INPP5A: variants seen among roughly 807,000 people sequenced by gnomAD.
INPP5A encodes inositol polyphosphate-5-phosphatase A.
Under a neutral mutation model 65.2 loss-of-function variants are expected in INPP5A, and 14 were observed. The observed-to-expected ratio is 0.21, with a 90% CI of 0.14 to 0.34. The LOEUF is 0.34. Ranked by LOEUF, INPP5A falls within the 10% of genes least tolerant of loss-of-function variation. INPP5A has a pLI of 1.00. For missense variants in INPP5A, 431 were observed against 545.6 expected (o/e 0.79, Z 2.09); for synonymous variants, 207 against 208.3 (o/e 0.99, Z 0.05).
intron 11 of INPP5A, among the ~76,000 whole-genome samples, chr10:132,755,753 G>A (rs911432488): frequency 2.0e-5 from 3 of 152,138 alleles, no homozygotes; most frequent in Admixed American, 6.5e-5. Flanking sequence ...GCTGAGGCCT[G>A]AGGGAGGTCC....
intron 4 of INPP5A, among the ~76,000 whole-genome samples, chr10:132,684,078 T>G (rs2073086264): frequency 1.3e-5 from 2 of 152,360 alleles, no homozygotes; most frequent in African/African-American, 2.4e-5. Context: ...AAATATGTCT[T>G]TATCTTGGTA....
rs1057141960 is a variant in INPP5A, at chr10:132,545,161, G to A, written c.75+6990G>A. 3.3e-5 allele frequency among the ~76,000 whole-genome samples: 5 copies of A among 152,268 alleles called. No individual in the cohort carries two copies. The highest frequency in any genetic ancestry group is 1.3e-4 in the Admixed American group (2 of 15,292). Reference sequence around the variant, plus strand: ...TGGAGCAGGGCAGAGGGCCCCGCACGGCTCTGGGATGGCTGTGCTCGGTGG... The same window carrying A: ...TGGAGCAGGGCAGAGGGCCCCGCACAGCTCTGGGATGGCTGTGCTCGGTGG... On this transcript the variant is annotated intron_variant, in intron 1 of 15. Transcript: ENST00000368594. This position sits in a 1 kb window ranked among gnomAD's most constrained non-coding sequence, Gnocchi z 4.6.
chr10:132,722,162 G>T (rs1431638118), intron 8 of INPP5A, among the ~76,000 whole-genome samples: 3 of 152,146 alleles, frequency 2.0e-5, no homozygotes, highest in African/African-American at 7.2e-5. Context: ...TTTGATCAGA[G>T]AATGTGGTCT....
intron 1 of INPP5A, among the ~76,000 whole-genome samples, chr10:132,593,119 C>T (rs1022231072): frequency 3.3e-5 from 5 of 152,184 alleles, no homozygotes; most frequent in South Asian, 2.1e-4. Context: ...AGTGGCTCTT[C>T]GATAAGATGA....
chr10:132,756,483 G>A (rs1258689849), intron 11 of INPP5A, among the ~76,000 whole-genome samples: 1 of 152,192 alleles, frequency 6.6e-6, no homozygotes, highest in Non-Finnish European at 1.5e-5. Context: ...ATGTGACTAA[G>A]GTTTGATAAT....
intron 2 of INPP5A, among the ~76,000 whole-genome samples, chr10:132,639,090 T>C (rs1043924961): frequency 6.6e-6 from 1 of 152,134 alleles, no homozygotes; most frequent in African/African-American, 2.4e-5. Flanking sequence ...AAAAATATAA[T>C]CTTTTATATT....
In INPP5A at chr10:132,741,670, T is replaced by C. The variant is rs1846273495; in HGVS notation, c.733-7847T>C. Reference sequence around the variant, plus strand: ...ATGAAGGTGGACGTTGGTATCCGCGTCCGCTTGCTTTTCTCAATAGCCAAT... The same window carrying C: ...ATGAAGGTGGACGTTGGTATCCGCGCCCGCTTGCTTTTCTCAATAGCCAAT... On this transcript the variant is annotated intron_variant, in intron 9 of 15. Transcript: ENST00000368594. This position sits in a 1 kb window ranked among gnomAD's most constrained non-coding sequence, Gnocchi z 4.4. Among the ~76,000 whole-genome samples the C allele has an allele frequency of 5.3e-5, 8 of 152,216 alleles. No homozygotes were observed. The South Asian group carries it at 1.7e-3, about 32-fold the overall frequency.
chr10:132,714,433 C>T (rs1009990541), intron 8 of INPP5A, among the ~76,000 whole-genome samples: 1 of 152,222 alleles, frequency 6.6e-6, no homozygotes, highest in African/African-American at 2.4e-5. Flanking sequence ...TCTGAATGGA[C>T]GCTGCCACCA....
intron 1 of INPP5A, among the ~76,000 whole-genome samples, chr10:132,585,598 G>A (rs1180478650): frequency 2.0e-5 from 3 of 152,192 alleles, no homozygotes; most frequent in Non-Finnish European, 2.9e-5. Context: ...GGGGATGCCT[G>A]TGTGCTGGAC....
At chr10:132,585,415 AGTT>A (rs2071534418) in intron 1 of INPP5A, among the ~76,000 whole-genome samples, 1 of 152,164 alleles carries the variant, frequency 6.6e-6, no homozygotes, top group African/African-American at 2.4e-5. Context: ...ATATTGTCCT[AGTT>A]GTTCTATTTT....
intron 4 of INPP5A, among the ~76,000 whole-genome samples, chr10:132,680,827 C>G (rs570156355): frequency 1.3e-5 from 2 of 152,240 alleles, no homozygotes; most frequent in Non-Finnish European, 2.9e-5. Flanking sequence ...ACTGGGTCCC[C>G]CAGCAGTGCC....
At chr10:132,638,299 T>C (rs1221965618) in intron 2 of INPP5A, among the ~76,000 whole-genome samples, 2 of 152,186 alleles carry the variant, frequency 1.3e-5, no homozygotes, top group Non-Finnish European at 1.5e-5. Flanking sequence ...AGTCTCGCCT[T>C]GTGTTCCAAC....
chr10:132,567,501 A>G (rs1268116977), intron 1 of INPP5A, among the ~76,000 whole-genome samples: 5 of 152,216 alleles, frequency 3.3e-5, no homozygotes, highest in East Asian at 1.9e-4. Context: ...TTTGGTTCCT[A>G]TGTTTCCCCT....
intron 4 of INPP5A, among the ~76,000 whole-genome samples, chr10:132,668,799 G>C (rs1399075281): frequency 1.3e-5 from 2 of 152,184 alleles, no homozygotes; most frequent in African/African-American, 2.4e-5. Flanking sequence ...ACCGTGCTCT[G>C]GGTTTGGTCC....
At chr10:132,781,760 C>T in intron 14 of INPP5A, 101 bp from the exon 15 acceptor site, 1 of 963,778 alleles carries the variant, frequency 1.0e-6, no homozygotes, top group Non-Finnish European at 1.7e-6. Context: ...TCATGGCTGC[C>T]CTGGTGAGAC....
chr10:132,673,956 T>C (rs1446020196), intron 4 of INPP5A, among the ~76,000 whole-genome samples: 2 of 152,212 alleles, frequency 1.3e-5, no homozygotes, highest in Non-Finnish European at 2.9e-5. Context: ...CGGAAGCTCA[T>C]GTTGCCGAGC....
intron 9 of INPP5A, among the ~76,000 whole-genome samples, chr10:132,731,809 G>C (rs1287730478): frequency 6.6e-6 from 1 of 152,256 alleles, no homozygotes; most frequent in Non-Finnish European, 1.5e-5. Flanking sequence ...AGCCGCATGT[G>C]CTCTGTGGTT....
Position 132,642,175 on chromosome 10 carries a change from T to C in INPP5A, c.118-3693T>C, listed in dbSNP as rs528330180. Among the ~76,000 whole-genome samples, 227 of 151,872 alleles carry C rather than the reference T, an allele frequency of 1.5e-3. 1 individual carries two copies. Among genetic ancestry groups the C allele is most frequent in the Non-Finnish European group, 2.5e-3 (169 of 67,962 alleles). ...GGGACAGCCTGGAGCCCGTCTGCGGTCTGGGGACAGCCTGGAGCCCATCTG... is the reference window on the plus strand; with the variant it reads ...GGGACAGCCTGGAGCCCGTCTGCGGCCTGGGGACAGCCTGGAGCCCATCTG... On this transcript the variant is annotated intron_variant, in intron 2 of 15. Transcript: ENST00000368594.
intron 12 of INPP5A, among the ~76,000 whole-genome samples, chr10:132,773,868 T>C (rs1177529383): frequency 1.3e-5 from 2 of 152,180 alleles, no homozygotes; most frequent in Non-Finnish European, 2.9e-5. Context: ...TCAAGCGATT[T>C]TCCCCCCTCA....
Sources: allele counts gnomAD v4.1 joint callset (sites outside exome capture counted in the v4.1 genomes callset), GRCh38; gene constraint gnomAD v4.1.1; non-coding constraint Gnocchi (gnomAD v3.1); transcripts MANE v1.5; gene names NCBI Gene and HGNC (gene_info 2026-07-23, HGNC 2026-07-21).